GRIK2: variants seen among roughly 807,000 people sequenced by gnomAD.
GRIK2 encodes the protein glutamate receptor ionotropic, kainate 2.
Under a neutral mutation model 100.3 loss-of-function variants are expected in GRIK2, and 32 were observed. That is an observed-to-expected ratio of 0.32 (90% CI 0.24 to 0.43). The LOEUF (loss-of-function observed/expected upper bound fraction) is 0.43, where lower values mean the gene tolerates loss of function less well. GRIK2 is among the 20% of genes least tolerant of loss of function. The probability of loss-of-function intolerance (pLI) is 1.00; values close to 1 mark genes in which losing one functional copy is unlikely to be tolerated. For missense variants in GRIK2, 843 were observed against 1,114.9 expected (o/e 0.76, Z 3.47); for synonymous variants, 417 against 389.4 (o/e 1.07, Z -0.83).
intron 4 of GRIK2, among the ~76,000 whole-genome samples, chr6:101,661,804 C>G (rs1769637991): frequency 6.6e-6 from 1 of 152,038 alleles, no homozygotes; most frequent in South Asian, 2.1e-4. Context: ...TGGACTGCAC[C>G]CACTGTCTAA....
At chr6:101,891,465 C>T (rs1186974454) in intron 12 of GRIK2, 8 of 321,912 alleles carry the variant, frequency 2.5e-5, no homozygotes, top group Admixed American at 9.0e-5. Flanking sequence ...TGCAGTAAGC[C>T]GAGATCGTGC....
rs63654860 is a variant in GRIK2, at chr6:101,697,340, CGTGTGT to C, written c.951+11024_951+11029del. Among the ~76,000 whole-genome samples, 500 of 146,810 alleles carry C rather than the reference CGTGTGT, an allele frequency of 3.4e-3. 4 individuals are homozygous for C. The highest frequency in any genetic ancestry group is 0.012 in the African/African-American group (463 of 40,128). On this transcript the variant is annotated intron_variant, in intron 7 of 16. Transcript: ENST00000369134. ...CACTGTAGTAGATACTTAGGGTGTA[CGTGTGT>C]GTGTGTGTGTGTGTGTGTGTGTGTG...
chr6:101,881,076 A>G (rs1786209043), intron 11 of GRIK2, among the ~76,000 whole-genome samples: 1 of 151,914 alleles, frequency 6.6e-6, no homozygotes, highest in African/African-American at 2.4e-5. Context: ...AACTTTTTAT[A>G]TATGCATCTC....
intron 10 of GRIK2, among the ~76,000 whole-genome samples, chr6:101,829,626 A>G (rs1782551574): frequency 6.6e-6 from 1 of 151,976 alleles, no homozygotes; most frequent in Non-Finnish European, 1.5e-5. Flanking sequence ...CCAAATCAAG[A>G]ATGCAATCCC....
intron 4 of GRIK2, among the ~76,000 whole-genome samples, chr6:101,659,547 T>C (rs1023184939): frequency 1.3e-5 from 2 of 152,188 alleles, no homozygotes; most frequent in African/African-American, 4.8e-5. Context: ...CATTAGTTGA[T>C]GCACTTTCTT....
At position 101,985,370 on chromosome 6, in the gene GRIK2, A is replaced by C. The variant is rs73763620; in HGVS notation, c.2086-49971A>C. Among the ~76,000 whole-genome samples, 1,466 of 151,882 alleles carry C rather than the reference A, an allele frequency of 9.7e-3. 27 individuals carry two copies. The highest frequency in any genetic ancestry group is 0.034 in the African/African-American group (1,421 of 41,516). ...CCTCAATATTAGGTCTTATAATATG[A>C]TAAAGTTTCACCTCCTTTTATCAAT... On this transcript the variant is annotated intron_variant, in intron 14 of 16. Coordinates refer to ENST00000369134, the MANE Select transcript of GRIK2 (RefSeq NM_021956.5).
intron 11 of GRIK2, among the ~76,000 whole-genome samples, chr6:101,867,791 T>A (rs963515549): frequency 6.6e-6 from 1 of 151,340 alleles, no homozygotes; most frequent in Non-Finnish European, 1.5e-5. Context: ...TTTTTTTTGC[T>A]GTGATGTATT....
chr6:101,449,799 A>G (rs1203493576), intron 2 of GRIK2, among the ~76,000 whole-genome samples: 1 of 151,734 alleles, frequency 6.6e-6, no homozygotes, highest in Non-Finnish European at 1.5e-5. Flanking sequence ...TACTTTCCAG[A>G]TATTTCAGAT....
intron 2 of GRIK2, among the ~76,000 whole-genome samples, chr6:101,489,382 G>A (rs536526101): frequency 6.9e-6 from 1 of 145,928 alleles, no homozygotes; most frequent in African/African-American, 2.6e-5. Context: ...TTCTATTGTG[G>A]AAATCCATTC....
At position 101,393,775 on chromosome 6, in the gene GRIK2, TC is replaced by T. The variant is rs1342417665; in HGVS notation, c.-354del. ...CTGGGGACTTTTCCGCCCGACCTCC[TC>T]CGGCTGCTCCTCCCCGAGGACCACC... is the stretch of plus-strand genomic sequence containing the variant. On this transcript the variant is annotated 5_prime_UTR_variant, in exon 1 of 17. Coordinates refer to ENST00000369134, the MANE Select transcript of GRIK2 (RefSeq NM_021956.5). Among the ~76,000 whole-genome samples the T allele has an allele frequency of 6.6e-6, 1 of 151,990 alleles. No homozygotes were observed. The highest frequency in any genetic ancestry group is 1.5e-5 in the Non-Finnish European group (1 of 67,996).
chr6:101,722,825 C>A (rs895304243), intron 7 of GRIK2, among the ~76,000 whole-genome samples: 1 of 151,884 alleles, frequency 6.6e-6, no homozygotes, highest in African/African-American at 2.4e-5. Flanking sequence ...AAGTCTGGGG[C>A]CAAAGCTGAC....
chr6:101,908,362 T>G (rs1591942), intron 12 of GRIK2, among the ~76,000 whole-genome samples: 122,979 of 148,554 alleles, frequency 0.83, 50,627 homozygotes, highest in East Asian at 0.94. Context: ...TAGTATTTAT[T>G]GAACTTTTTC....
At chr6:101,858,130 C>T (rs902292336) in intron 10 of GRIK2, among the ~76,000 whole-genome samples, 3 of 152,108 alleles carry the variant, frequency 2.0e-5, no homozygotes, top group African/African-American at 7.2e-5. Flanking sequence ...TACCGAGTAC[C>T]TTGCAGTTGT....
chr6:101,881,681 TAA>T (rs199888236), intron 11 of GRIK2, among the ~76,000 whole-genome samples: 8 of 138,716 alleles, frequency 5.8e-5, no homozygotes, highest in Non-Finnish European at 6.3e-5. Context: ...AACACATCTC[TAA>T]AAAAAAAAAA....
At chr6:101,842,989 G>T (rs1783605651) in intron 10 of GRIK2, among the ~76,000 whole-genome samples, 1 of 152,142 alleles carries the variant, frequency 6.6e-6, no homozygotes, top group Non-Finnish European at 1.5e-5. Flanking sequence ...TGAATTAAAA[G>T]AAATAGAATT....
intron 7 of GRIK2, among the ~76,000 whole-genome samples, chr6:101,694,995 G>T (rs901457374): frequency 1.1e-4 from 16 of 148,900 alleles, no homozygotes; most frequent in Non-Finnish European, 4.5e-5. Context: ...AAAATAAGAG[G>T]GAAATATATA....
At chr6:101,499,889 T>A (rs1166042719) in intron 2 of GRIK2, among the ~76,000 whole-genome samples, 2 of 152,128 alleles carry the variant, frequency 1.3e-5, no homozygotes, top group African/African-American at 4.8e-5. Context: ...CTTAATCAGT[T>A]AATGGGTGAT....
intron 2 of GRIK2, among the ~76,000 whole-genome samples, chr6:101,546,638 A>T (rs958888593): frequency 2.0e-5 from 3 of 152,012 alleles, no homozygotes; most frequent in African/African-American, 7.2e-5. Context: ...TAAATTAGTA[A>T]TGTCTCTTAA....
chr6:101,765,363 A>G (rs1208947253), intron 7 of GRIK2, among the ~76,000 whole-genome samples: 1 of 152,118 alleles, frequency 6.6e-6, no homozygotes, highest in Non-Finnish European at 1.5e-5. Context: ...CTGAGTACTG[A>G]ATGCGTGTGT....
Sources: allele counts gnomAD v4.1 joint callset (sites outside exome capture counted in the v4.1 genomes callset), GRCh38; gene constraint gnomAD v4.1.1; transcripts MANE v1.5; gene names NCBI Gene and HGNC (gene_info 2026-07-23, HGNC 2026-07-21).